Variants in IL1RAPL2 observed in about 807,000 individuals in gnomAD.
IL1RAPL2 encodes interleukin 1 receptor accessory protein like 2, also known as X-linked interleukin-1 receptor accessory protein-like 2.
Under a neutral mutation model 44.1 loss-of-function variants are expected in IL1RAPL2, and 3 were observed. The ratio of observed to expected loss-of-function variants is 0.07; its 90% CI spans 0.03 to 0.18. The LOEUF is 0.18. Ranked by LOEUF, IL1RAPL2 falls within the 10% of genes least tolerant of loss-of-function variation. The pLI, the probability that IL1RAPL2 is intolerant of heterozygous loss-of-function variation, is 1.00. For synonymous variants in IL1RAPL2, 181 were observed against 178.8 expected (o/e 1.01, Z -0.10); for missense variants, 391 against 496.4 (o/e 0.79, Z 2.02).
At chrX:105,522,235 T>A (rs1461454852) in intron 6 of IL1RAPL2, among the ~76,000 whole-genome samples, 1 of 112,097 alleles carries the variant, frequency 8.9e-6, no homozygotes, top group East Asian at 2.8e-4. Context: ...ATAAAGTATA[T>A]CTGCATCAAT....
chrX:104,894,964 T>G (rs764660519), intron 2 of IL1RAPL2, among the ~76,000 whole-genome samples: 1 of 112,708 alleles, frequency 8.9e-6, no homozygotes, highest in South Asian at 3.6e-4. Context: ...ATGGGGATTC[T>G]GTGTGGATGT....
chrX:104,920,227 C>T (rs1602821022), intron 2 of IL1RAPL2, among the ~76,000 whole-genome samples: 1 of 111,758 alleles, frequency 8.9e-6, no homozygotes, highest in African/African-American at 3.2e-5. Context: ...AACTCAGGAT[C>T]ATACTTTCCT....
chrX:104,667,384 GC>G (rs1168182523), intron 2 of IL1RAPL2, among the ~76,000 whole-genome samples: 1 of 111,341 alleles, frequency 9.0e-6, no homozygotes, highest in Admixed American at 9.6e-5. Context: ...CATGCTTTTA[GC>G]CCCCCAAGAA....
chrX:105,472,388 G>T (rs1442854954), intron 5 of IL1RAPL2, among the ~76,000 whole-genome samples: 2 of 111,284 alleles, frequency 1.8e-5, no homozygotes, highest in Admixed American at 9.6e-5. Context: ...ATTCAAAAAG[G>T]CAAGTCACCC....
chrX:105,415,059 T>G (rs1039556421), intron 5 of IL1RAPL2, among the ~76,000 whole-genome samples: 49 of 112,423 alleles, frequency 4.4e-4, no homozygotes, highest in African/African-American at 1.5e-3. Context: ...TTTGCATCAA[T>G]TTTTAATAGA....
chrX:104,730,721 C>T (rs2147571266), intron 2 of IL1RAPL2, among the ~76,000 whole-genome samples: 1 of 108,327 alleles, frequency 9.2e-6, no homozygotes, highest in East Asian at 3.0e-4. Context: ...GATTTATAGT[C>T]CTTTGGGTAT....
At chrX:105,700,327 A>G (rs901430810) in intron 6 of IL1RAPL2, among the ~76,000 whole-genome samples, 1 of 112,162 alleles carries the variant, frequency 8.9e-6, no homozygotes, top group Non-Finnish European at 1.9e-5. Flanking sequence ...TATTGGAGAT[A>G]ATTGAGTCAT....
chrX:105,422,333 C>T (rs144891265), intron 5 of IL1RAPL2, among the ~76,000 whole-genome samples: 296 of 111,606 alleles, frequency 2.7e-3, no homozygotes, highest in South Asian at 0.013. Context: ...GGGTTAGGAC[C>T]CCTGTACAGG....
intron 2 of IL1RAPL2, among the ~76,000 whole-genome samples, chrX:104,934,284 A>G (rs1924977642): frequency 9.1e-6 from 1 of 110,173 alleles, no homozygotes; most frequent in South Asian, 3.9e-4. Context: ...TATGAACTTC[A>G]GTTTAAAACA....
chrX:105,050,028 C>T (rs763017546), intron 2 of IL1RAPL2, among the ~76,000 whole-genome samples: 1 of 112,029 alleles, frequency 8.9e-6, no homozygotes, highest in African/African-American at 3.2e-5. Context: ...CAGACTGATC[C>T]TTCAAATAAT....
chrX:105,585,569 T>C (rs953548687), intron 6 of IL1RAPL2, among the ~76,000 whole-genome samples: 1 of 111,003 alleles, frequency 9.0e-6, no homozygotes, highest in Non-Finnish European at 1.9e-5. Flanking sequence ...CCTGTGTCCA[T>C]GTGTTCTCAT....
chrX:105,412,867 G>A (rs1377307263), intron 5 of IL1RAPL2, among the ~76,000 whole-genome samples: 1 of 111,871 alleles, frequency 8.9e-6, no homozygotes, highest in Non-Finnish European at 1.9e-5. Context: ...AATATATTTG[G>A]AGTTTAGCAA....
chrX:105,414,568 C>G (rs2035719680), intron 5 of IL1RAPL2, among the ~76,000 whole-genome samples: 1 of 111,930 alleles, frequency 8.9e-6, no homozygotes, highest in African/African-American at 3.3e-5. Flanking sequence ...GCCTCTTATA[C>G]TCCATTCTAG....
At chrX:104,988,082 T>G (rs2030595330) in intron 2 of IL1RAPL2, among the ~76,000 whole-genome samples, 1 of 112,282 alleles carries the variant, frequency 8.9e-6, no homozygotes, top group East Asian at 2.8e-4. Flanking sequence ...AGTGAAGAAT[T>G]AAAGTTTCCA....
intron 5 of IL1RAPL2, among the ~76,000 whole-genome samples, chrX:105,314,752 C>G (rs886888117): frequency 1.8e-5 from 2 of 111,470 alleles, no homozygotes; most frequent in African/African-American, 6.5e-5. Flanking sequence ...AGAAGAGCCT[C>G]TTTAAACATA....
intron 2 of IL1RAPL2, among the ~76,000 whole-genome samples, chrX:104,860,315 A>G (rs1199365862): frequency 9.0e-6 from 1 of 111,635 alleles, no homozygotes. Context: ...AAGAAACCCT[A>G]TCATTGTTAT....
intron 2 of IL1RAPL2, among the ~76,000 whole-genome samples, chrX:104,785,398 C>A (rs1932793327): frequency 9.0e-6 from 1 of 111,560 alleles, no homozygotes; most frequent in Admixed American, 9.5e-5. Context: ...AAAACAAGTC[C>A]TAAGGCAGGC....
chrX:105,361,638 G>A (rs1399977886), intron 5 of IL1RAPL2, among the ~76,000 whole-genome samples: 1 of 111,037 alleles, frequency 9.0e-6, no homozygotes, highest in Non-Finnish European at 1.9e-5. Flanking sequence ...AAAGAGTCCT[G>A]GAAACTGAGA....
chrX:105,492,584 T>C (rs1456344477), intron 6 of IL1RAPL2, among the ~76,000 whole-genome samples: 8 of 109,640 alleles, frequency 7.3e-5, no homozygotes, highest in Non-Finnish European at 1.1e-4. Flanking sequence ...ATAATTATTA[T>C]TATTTGTAGT....
Sources: allele counts gnomAD v4.1 joint callset (sites outside exome capture counted in the v4.1 genomes callset), GRCh38; gene constraint gnomAD v4.1.1; transcripts MANE v1.5; gene names NCBI Gene and HGNC (gene_info 2026-07-23, HGNC 2026-07-21).